PDSS2: variants seen among roughly 807,000 people sequenced by gnomAD.
PDSS2 encodes decaprenyl diphosphate synthase subunit 2.
PDSS2 carries 31 observed loss-of-function variants against 44.5 expected under a neutral mutation model. That is an observed-to-expected ratio of 0.70 (90% CI 0.52 to 0.94). PDSS2 has a LOEUF of 0.94. Ranked by LOEUF, PDSS2 falls within the 40% of genes least tolerant of loss-of-function variation. PDSS2 has a pLI of 0.00. For synonymous variants in PDSS2, 157 were observed against 180.3 expected (o/e 0.87, Z 1.03); for missense variants, 452 against 482.2 (o/e 0.94, Z 0.59).
intron 5 of PDSS2, among the ~76,000 whole-genome samples, chr6:107,211,540 A>G (rs9480751): frequency 0.012 from 1,812 of 151,314 alleles, 35 homozygotes; most frequent in African/African-American, 0.041. Flanking sequence ...GACCATCCTG[A>G]CCAACATGGT....
At chr6:107,365,673 G>C (rs151155723) in intron 1 of PDSS2, among the ~76,000 whole-genome samples, 1 of 152,194 alleles carries the variant, frequency 6.6e-6, no homozygotes, top group African/African-American at 2.4e-5. Context: ...AAAGTAAAAG[G>C]TCAGAAGGTG....
At chr6:107,211,623 A>C (rs1017648769) in intron 5 of PDSS2, among the ~76,000 whole-genome samples, 1 of 151,386 alleles carries the variant, frequency 6.6e-6, no homozygotes. Context: ...CCAGCTACTC[A>C]GGAGGCTGAG....
chr6:107,156,329 G>T (rs1770895323), intron 7 of PDSS2, among the ~76,000 whole-genome samples: 1 of 151,736 alleles, frequency 6.6e-6, no homozygotes, highest in Non-Finnish European at 1.5e-5. Context: ...CGAGTAGCTG[G>T]GACTACAGGT....
chr6:107,421,164 C>T (rs1052448116), intron 1 of PDSS2, among the ~76,000 whole-genome samples: 21 of 152,048 alleles, frequency 1.4e-4, no homozygotes, highest in African/African-American at 5.1e-4. Context: ...ATTAGAATGG[C>T]TAAAATAAAA....
intron 2 of PDSS2, among the ~76,000 whole-genome samples, chr6:107,318,841 A>G (rs1455454473): frequency 6.6e-6 from 1 of 152,154 alleles, no homozygotes; most frequent in Non-Finnish European, 1.5e-5. Context: ...ACAAAAAATT[A>G]GCTGGGCCTG....
intron 1 of PDSS2, among the ~76,000 whole-genome samples, chr6:107,436,593 A>G (rs1365930921): frequency 6.6e-6 from 1 of 152,222 alleles, no homozygotes; most frequent in African/African-American, 2.4e-5. Flanking sequence ...TTCTTATGTA[A>G]CTAAAAGGAG....
intron 2 of PDSS2, among the ~76,000 whole-genome samples, chr6:107,290,100 T>G (rs1011447882): frequency 6.6e-6 from 1 of 152,226 alleles, no homozygotes; most frequent in Non-Finnish European, 1.5e-5. Context: ...AAGGAGCTGA[T>G]GACTTAATGA....
At chr6:107,349,952 G>T (rs6930320) in intron 1 of PDSS2, among the ~76,000 whole-genome samples, 57 of 152,046 alleles carry the variant, frequency 3.7e-4, no homozygotes, top group African/African-American at 1.3e-3. Flanking sequence ...ATGCCTCTTC[G>T]GCTTCCTTTA....
intron 2 of PDSS2, among the ~76,000 whole-genome samples, chr6:107,313,268 T>C (rs972317741): frequency 2.0e-5 from 3 of 152,208 alleles, no homozygotes; most frequent in East Asian, 1.9e-4. Flanking sequence ...CAATTACACA[T>C]TGACAATAAA....
chr6:107,258,304 T>G (rs1775092912), intron 3 of PDSS2, among the ~76,000 whole-genome samples: 1 of 152,146 alleles, frequency 6.6e-6, no homozygotes, highest in Admixed American at 6.5e-5. Context: ...ATTATAATCA[T>G]TTTGTTTTTC....
intron 1 of PDSS2, among the ~76,000 whole-genome samples, chr6:107,409,073 A>G (rs561683393): frequency 9.2e-5 from 14 of 152,370 alleles, no homozygotes; most frequent in African/African-American, 3.4e-4. Context: ...CTTAGAGTAT[A>G]TGTTAAAATA....
chr6:107,387,764 T>C (rs542055835), intron 1 of PDSS2, among the ~76,000 whole-genome samples: 1 of 152,322 alleles, frequency 6.6e-6, no homozygotes, highest in South Asian at 2.1e-4. Context: ...GGTAGAAAAC[T>C]GTATTAGAAG....
At chr6:107,233,841 AAAAT>A (rs1582824606) in intron 4 of PDSS2, among the ~76,000 whole-genome samples, 1 of 151,962 alleles carries the variant, frequency 6.6e-6, no homozygotes, top group East Asian at 1.9e-4. Context: ...TGTAAAAAAA[AAAAT>A]AAAGACTCCA....
intron 1 of PDSS2, among the ~76,000 whole-genome samples, chr6:107,402,269 A>ACTCAGT (rs1780130510): frequency 6.7e-6 from 1 of 150,104 alleles, no homozygotes; most frequent in South Asian, 2.1e-4. Context: ...ACAGAGCAAG[A>ACTCAGT]CTCAGTCTCA....
chr6:107,236,662 T>C (rs538614476), intron 4 of PDSS2, among the ~76,000 whole-genome samples: 11 of 152,312 alleles, frequency 7.2e-5, no homozygotes, highest in African/African-American at 2.4e-4. Flanking sequence ...ATCTCAAATA[T>C]GCTTTCTTTC....
chr6:107,154,692 A>G lies in PDSS2; in HGVS notation c.1127T>C (p.Leu376Pro), dbSNP rs782503387. ...RYHGNKALEA[L>P]ESFPPSEARS... ...GGCCTCCGAGGGAGGAAAGCTCTCC[A>G]GGGCCTCCAGTGCCTTGTTTCCATG... Residue 376 changes from leucine (L) to proline (P), a missense_variant, in exon 8 of 8, where the codon CTG becomes CCG. Transcript: ENST00000369037. 2.9e-5 allele frequency: 47 copies of G among 1,614,156 alleles called. No individual in the cohort carries two copies. Among genetic ancestry groups the G allele is most frequent in the Admixed American group, 3.3e-5 (2 of 60,020 alleles).
intron 1 of PDSS2, among the ~76,000 whole-genome samples, chr6:107,447,108 C>T (rs535720359): frequency 4.6e-5 from 7 of 152,074 alleles, no homozygotes; most frequent in Non-Finnish European, 4.4e-5. Flanking sequence ...CTGAGACAGG[C>T]GGATCACGAG....
chr6:107,437,625 T>G (rs921232883), intron 1 of PDSS2, among the ~76,000 whole-genome samples: 1 of 151,564 alleles, frequency 6.6e-6, no homozygotes. Context: ...CCAAAATCCA[T>G]GCATACTCAA....
chr6:107,250,858 A>C (rs1270069307), intron 3 of PDSS2, among the ~76,000 whole-genome samples: 3 of 151,728 alleles, frequency 2.0e-5, no homozygotes, highest in African/African-American at 7.3e-5. Context: ...AATACAAGTA[A>C]ATTTTTTTTT....
Sources: gnomAD v4.1 joint callset for allele counts (sites outside exome capture counted in the v4.1 genomes callset) on GRCh38, gnomAD v4.1.1 for gene constraint, MANE v1.5 for transcripts, NCBI Gene and HGNC (gene_info 2026-07-23, HGNC 2026-07-21) for gene names.